Variants in KAT14 observed in about 807,000 individuals in gnomAD.
KAT14 encodes lysine acetyltransferase 14, also known as cysteine-rich protein 2-binding protein.
In KAT14, 66 loss-of-function variants were observed where a neutral mutation model predicts 78.4. The ratio of observed to expected loss-of-function variants is 0.84; its 90% CI spans 0.69 to 1.03. The LOEUF is 1.03. Among genes scored for constraint, KAT14 ranks in the 50% least tolerant of loss-of-function variants. The pLI, the probability that KAT14 is intolerant of heterozygous loss-of-function variation, is 0.00. For synonymous variants in KAT14, 344 were observed against 359.4 expected, an observed-to-expected ratio of 0.96 and a Z score of 0.48; for missense variants, 870 against 972.5, an observed-to-expected ratio of 0.89 and a Z score of 1.40.
intron 1 of KAT14, 25 bp downstream of exon 1, chr20:18,138,076 C>G (rs1465795409): frequency 1.4e-6 from 2 of 1,446,802 alleles, no homozygotes; most frequent in South Asian, 2.7e-5. Context: ...ACCGTCTCTT[C>G]CGGGCCCGCG....
chr20:18,137,791 G>A (rs2037347068), upstream of KAT14: 6 of 655,372 alleles, frequency 9.2e-6, no homozygotes, highest in Non-Finnish European at 1.4e-5. Context: ...CTCTATGCTC[G>A]GCTCTCGATT....
Position 18,187,155 on chromosome 20 carries a change from T to A in KAT14, c.2173-131T>A. 5.1e-6 allele frequency: 6 copies of A among 1,183,518 alleles called. No individual in the cohort carries two copies. The South Asian group carries it at 1.0e-4, about 21-fold the overall frequency. The allele number at this position is 1,183,518 out of a possible 1,614,324, so 73.3% of individuals were successfully genotyped here. On this transcript the variant is annotated intron_variant, in intron 10 of 10. Coordinates refer to ENST00000688188, the MANE Select transcript of KAT14 (RefSeq NM_001392073.1). Reference sequence around the variant, plus strand: ...TTCCAGCTGTTGCTAGGTGTTGCAATGTCTCAGCCTCAGTCTCTGATTTCT... The same window carrying A: ...TTCCAGCTGTTGCTAGGTGTTGCAAAGTCTCAGCCTCAGTCTCTGATTTCT...
At chr20:18,180,710 T>C (rs1177388640) in intron 7 of KAT14, among the ~76,000 whole-genome samples, 1 of 152,028 alleles carries the variant, frequency 6.6e-6, no homozygotes, top group Non-Finnish European at 1.5e-5. Flanking sequence ...TAGTGGGCAG[T>C]GGCAAGAAAC....
chr20:18,147,345 G>A (rs1409501939), intron 3 of KAT14, among the ~76,000 whole-genome samples: 1 of 152,218 alleles, frequency 6.6e-6, no homozygotes, highest in Non-Finnish European at 1.5e-5. Flanking sequence ...GGGATACTGT[G>A]TGTAGGCAAG....
At chr20:18,144,869 T>C (rs1460945406) in intron 2 of KAT14, among the ~76,000 whole-genome samples, 1 of 152,214 alleles carries the variant, frequency 6.6e-6, no homozygotes, top group East Asian at 1.9e-4. Context: ...GACTTTGTAT[T>C]CCCAGTTCCT....
At chr20:18,182,749 A>G (rs1397775574) in intron 8 of KAT14, among the ~76,000 whole-genome samples, 1 of 152,178 alleles carries the variant, frequency 6.6e-6, no homozygotes, top group Non-Finnish European at 1.5e-5. Flanking sequence ...CTCCAAGCTC[A>G]TTGTGTCTCT....
intron 3 of KAT14, among the ~76,000 whole-genome samples, chr20:18,146,671 A>ACG (rs2037839603): frequency 1.3e-5 from 2 of 151,944 alleles, no homozygotes; most frequent in African/African-American, 2.4e-5. Context: ...AAAAAAACCA[A>ACG]AAAAACAAAA....
intron 10 of KAT14, among the ~76,000 whole-genome samples, chr20:18,185,498 G>C (rs1379054482): frequency 6.6e-6 from 1 of 152,180 alleles, no homozygotes; most frequent in Non-Finnish European, 1.5e-5. Context: ...ACTGTGCCTA[G>C]CTACATATTT....
At chr20:18,163,113 T>C (rs1395921571) in intron 7 of KAT14, among the ~76,000 whole-genome samples, 168 bp downstream of exon 7, 3 of 152,266 alleles carry the variant, frequency 2.0e-5, no homozygotes, top group African/African-American at 4.8e-5. Flanking sequence ...GGGCTTTATT[T>C]TTCAGAATTG....
At chr20:18,177,388 C>G (rs2039086607) in intron 7 of KAT14, among the ~76,000 whole-genome samples, 1 of 152,226 alleles carries the variant, frequency 6.6e-6, no homozygotes, top group African/African-American at 2.4e-5. Flanking sequence ...AAAGTTATTT[C>G]TGCTACTTTC....
intron 3 of KAT14, among the ~76,000 whole-genome samples, chr20:18,149,996 C>CT (rs1261253983): frequency 1.3e-5 from 2 of 152,120 alleles, no homozygotes; most frequent in Non-Finnish European, 2.9e-5. Context: ...ATATGAGTAT[C>CT]TGAGTATAGA....
intron 7 of KAT14, among the ~76,000 whole-genome samples, chr20:18,171,950 T>A (rs1259982839): frequency 6.6e-6 from 1 of 152,208 alleles, no homozygotes; most frequent in Non-Finnish European, 1.5e-5. Flanking sequence ...ACCATCAATA[T>A]TGAGGCAAGA....
At position 18,137,916 on chromosome 20, in the gene KAT14, G is replaced by T. The variant is rs987114672; in HGVS notation, c.-589G>T. On this transcript the variant is annotated 5_prime_UTR_variant, in exon 1 of 11. Coordinates refer to ENST00000688188, the MANE Select transcript of KAT14 (RefSeq NM_001392073.1). ...CACTCTGCGGCGGCCTCTGCGCCTCGGGCGGGCGGGAGAGAGAGGCCGCGG... is the reference window on the plus strand; with the variant it reads ...CACTCTGCGGCGGCCTCTGCGCCTCTGGCGGGCGGGAGAGAGAGGCCGCGG... 13 of 1,461,050 alleles carry T rather than the reference G, an allele frequency of 8.9e-6. No homozygotes were observed. The African/African-American group carries it at 1.9e-4, about 22-fold the overall frequency. The allele number at this position is 1,461,050 out of a possible 1,614,324, so 90.5% of individuals were successfully genotyped here.
chr20:18,180,778 T>C (rs2039219585), intron 7 of KAT14, among the ~76,000 whole-genome samples: 1 of 125,342 alleles, frequency 8.0e-6, no homozygotes, highest in Admixed American at 7.9e-5. Context: ...ACATCGGACC[T>C]TGTGAGACTT....
rs1450447389 is a variant in KAT14 at position 18,137,995 on chromosome 20, C to G, written c.-510C>G. 1 of 1,506,928 alleles carries G rather than the reference C, an allele frequency of 6.6e-7. No homozygotes were observed. The highest frequency in any genetic ancestry group is 2.1e-5 in the Admixed American group (1 of 47,252). The allele number at this position is 1,506,928 out of a possible 1,614,324, so 93.3% of individuals were successfully genotyped here. The stretch of plus-strand genomic sequence containing the variant: ...GAAGGTGGTGCTGGGCCTCTCGGTG[C>G]TGCTGACGGCGGCCACAGTGGCCGG... On this transcript the variant is annotated 5_prime_UTR_variant, in exon 1 of 11. Coordinates refer to ENST00000688188, the MANE Select transcript of KAT14 (RefSeq NM_001392073.1).
Position 18,181,364 on chromosome 20 carries a change from C to CTTT in KAT14, c.1669-326_1669-324dup, listed in dbSNP as rs762890490. ...ACCAATCCTCAGAGTAATTTTGTTT[C>CTTT]TTTTTTTTTTTTTTTTTTTTTTGAG... is the stretch of plus-strand genomic sequence containing the variant. On this transcript the variant is annotated intron_variant, in intron 7 of 10. Coordinates refer to ENST00000688188, the MANE Select transcript of KAT14 (RefSeq NM_001392073.1). 3.9e-3 allele frequency among the ~76,000 whole-genome samples: 417 copies of CTTT among 106,772 alleles called. 6 individuals are homozygous for CTTT. Among genetic ancestry groups the CTTT allele is most frequent in the African/African-American group, 7.9e-3 (215 of 27,056 alleles). The allele number at this position is 106,772 out of a possible 152,430, so 70.0% of individuals were successfully genotyped here.
In KAT14 at chr20:18,187,804, TA is replaced by T. The variant is rs1446644413; in HGVS notation, c.*348del. The T allele has an allele frequency of 3.4e-6, 1 of 290,732 alleles. No individual in the cohort carries two copies. The highest frequency in any genetic ancestry group is 2.3e-5 in the African/African-American group (1 of 43,730). 18.0% of individuals were successfully genotyped at this position (290,732 alleles called of 1,614,324 possible). A position where few individuals can be genotyped will look rare whatever the true frequency, so the allele number is the denominator to read the frequency against. The stretch of plus-strand genomic sequence containing the variant: ...GAGAGATAACCTGTCTGTCATAACT[TA>T]AAGGATGAGAAAATGTGGTGTAGCT... On this transcript the variant is annotated 3_prime_UTR_variant, in exon 11 of 11. Transcript: ENST00000688188.
chr20:18,164,019 T>C (rs866628936), intron 7 of KAT14, among the ~76,000 whole-genome samples: 1 of 152,354 alleles, frequency 6.6e-6, no homozygotes, highest in Non-Finnish European at 1.5e-5. Flanking sequence ...GCTGTTGTGA[T>C]TGGAGAGCCG....
intron 7 of KAT14, among the ~76,000 whole-genome samples, chr20:18,179,975 TC>T (rs1206831533): frequency 2.0e-5 from 3 of 152,122 alleles, no homozygotes; most frequent in African/African-American, 7.2e-5. Context: ...TTCAAGTGAT[TC>T]TCCTGCCTCA....
Sources: gnomAD v4.1 joint callset for allele counts (sites outside exome capture counted in the v4.1 genomes callset) on GRCh38, gnomAD v4.1.1 for gene constraint, MANE v1.5 for transcripts, NCBI Gene and HGNC (gene_info 2026-07-23, HGNC 2026-07-21) for gene names.